Variants in NTM observed in about 807,000 individuals in gnomAD.
The protein encoded by NTM is IgLON family member 2.
In NTM, 13 loss-of-function variants were observed where a neutral mutation model predicts 42.1. That is an observed-to-expected ratio of 0.31 (90% CI 0.20 to 0.49). The LOEUF is 0.49. Ranked by LOEUF, NTM falls within the 20% of genes least tolerant of loss-of-function variation. NTM has a pLI of 0.99. For synonymous variants in NTM, 187 were observed against 179.2 expected (o/e 1.04, Z -0.35); for missense variants, 373 against 452.8 (o/e 0.82, Z 1.60).
At chr11:131,611,855 A>T (rs2061492468) in intron 1 of NTM, among the ~76,000 whole-genome samples, 1 of 152,196 alleles carries the variant, frequency 6.6e-6, no homozygotes, top group Admixed American at 6.5e-5. Context: ...GTTCGTGAAC[A>T]CATGTTTCTG....
intron 2 of NTM, among the ~76,000 whole-genome samples, chr11:132,069,638 A>G (rs1160549389): frequency 2.0e-5 from 3 of 150,226 alleles, no homozygotes; most frequent in Non-Finnish European, 4.4e-5. Flanking sequence ...CAGGTTAGTT[A>G]ACAGGTCACC....
Position 131,829,534 on chromosome 11 carries a change from G to A in NTM, c.83-82030G>A, listed in dbSNP as rs183554220. On this transcript the variant is annotated intron_variant, in intron 1 of 8. Transcript: ENST00000683400. ...GGACATAATTTCATTCTTTCCTATG[G>A]CATAGTATTCCATGGTGTATATGTA... Among the ~76,000 whole-genome samples, 255 of 152,178 alleles carry A rather than the reference G, an allele frequency of 1.7e-3. 1 individual carries two copies. Among genetic ancestry groups the A allele is most frequent in the Middle Eastern group, 0.01 (3 of 292 alleles).
intron 1 of NTM, among the ~76,000 whole-genome samples, chr11:131,594,862 A>G (rs1406075605): frequency 6.6e-6 from 1 of 152,152 alleles, no homozygotes; most frequent in Non-Finnish European, 1.5e-5. Flanking sequence ...TGTACTCTAA[A>G]TATTGCAGTA....
intron 1 of NTM, among the ~76,000 whole-genome samples, chr11:131,793,743 G>A (rs569071450): frequency 1.3e-5 from 2 of 152,282 alleles, no homozygotes; most frequent in South Asian, 4.2e-4. Flanking sequence ...CGGCATGCTA[G>A]TTAGAGGTCC....
intron 1 of NTM, among the ~76,000 whole-genome samples, chr11:131,492,354 G>A (rs1293862462): frequency 1.3e-5 from 2 of 152,056 alleles, no homozygotes; most frequent in Admixed American, 1.3e-4. Context: ...ACCCTTGAGT[G>A]CATTTCATTT....
chr11:131,957,432 C>T (rs2061669791), intron 2 of NTM, among the ~76,000 whole-genome samples: 1 of 152,166 alleles, frequency 6.6e-6, no homozygotes, highest in African/African-American at 2.4e-5. Context: ...CAGTTTTCAG[C>T]TGGGCCCTCA....
At chr11:131,865,001 C>T (rs771949540) in intron 1 of NTM, among the ~76,000 whole-genome samples, 3 of 152,204 alleles carry the variant, frequency 2.0e-5, no homozygotes, top group Non-Finnish European at 4.4e-5. Flanking sequence ...GGGTCTCCCA[C>T]CTCCAGCACC....
Position 131,897,318 on chromosome 11 carries a change from G to C in NTM, c.83-14246G>C, listed in dbSNP as rs76712068. Reference sequence around the variant, plus strand: ...GCAAGAGAGCCTTGGTGGTAGCATTGGAGACTGGCAAGAAGGAAAAAAATT... The same window carrying C: ...GCAAGAGAGCCTTGGTGGTAGCATTCGAGACTGGCAAGAAGGAAAAAAATT... On this transcript the variant is annotated intron_variant, in intron 1 of 8. Coordinates refer to ENST00000683400, the MANE Select transcript of NTM (RefSeq NM_001352005.2). 1.7e-3 allele frequency among the ~76,000 whole-genome samples: 254 copies of C among 152,296 alleles called. 3 individuals are homozygous for C. Among genetic ancestry groups the C allele is most frequent in the African/African-American group, 5.8e-3 (242 of 41,550 alleles).
chr11:132,189,224 CTAGA>C (rs925625697), intron 3 of NTM, among the ~76,000 whole-genome samples: 4 of 152,016 alleles, frequency 2.6e-5, no homozygotes, highest in Non-Finnish European at 5.9e-5. Flanking sequence ...TTTTAAGCCT[CTAGA>C]TAGATCATGA....
At chr11:132,185,560 C>A (rs536000237) in intron 3 of NTM, among the ~76,000 whole-genome samples, 2 of 152,168 alleles carry the variant, frequency 1.3e-5, no homozygotes, top group Non-Finnish European at 2.9e-5. Flanking sequence ...CCTTCCCCAA[C>A]AGCTACATAA....
chr11:131,387,066 T>G (rs371748023), intron 1 of NTM, among the ~76,000 whole-genome samples: 31 of 152,350 alleles, frequency 2.0e-4, no homozygotes, highest in African/African-American at 7.5e-4. Flanking sequence ...TATCATTAAC[T>G]TTAGGGGCTG....
intron 2 of NTM, among the ~76,000 whole-genome samples, chr11:131,936,099 C>A (rs1316594395): frequency 6.6e-6 from 1 of 152,042 alleles, no homozygotes; most frequent in Admixed American, 6.6e-5. Context: ...GAGTGATGGT[C>A]GAGAGACAGC....
chr11:131,815,036 C>T (rs2092893845), intron 1 of NTM, among the ~76,000 whole-genome samples: 1 of 152,086 alleles, frequency 6.6e-6, no homozygotes, highest in Non-Finnish European at 1.5e-5. Context: ...TTGAGCAATC[C>T]GAGATTTTTA....
intron 1 of NTM, among the ~76,000 whole-genome samples, chr11:131,773,635 T>G (rs2086502338): frequency 6.6e-6 from 1 of 152,244 alleles, no homozygotes; most frequent in Admixed American, 6.5e-5. Context: ...AGCAAAAAGT[T>G]GAATGGATTT....
chr11:132,185,245 A>T (rs1005816908), intron 3 of NTM, among the ~76,000 whole-genome samples: 3 of 152,204 alleles, frequency 2.0e-5, no homozygotes, highest in African/African-American at 7.2e-5. Flanking sequence ...ATACATGTGA[A>T]TGTGTATGTC....
intron 1 of NTM, among the ~76,000 whole-genome samples, chr11:131,403,305 T>G (rs2135702116): frequency 6.6e-6 from 1 of 152,220 alleles, no homozygotes; most frequent in South Asian, 2.1e-4. Flanking sequence ...AAACCCCCAG[T>G]TTTTCACTCC....
chr11:131,657,297 T>G (rs898991684), intron 1 of NTM, among the ~76,000 whole-genome samples: 60 of 152,208 alleles, frequency 3.9e-4, no homozygotes, highest in Non-Finnish European at 8.2e-4. Flanking sequence ...AGCCTTCGAT[T>G]TGGGAAAGGT....
chr11:131,951,821 C>CAAAA (rs11366451), intron 2 of NTM, among the ~76,000 whole-genome samples: 3 of 70,146 alleles, frequency 4.3e-5, no homozygotes, highest in Admixed American at 1.7e-4. Flanking sequence ...GACTCCGTCT[C>CAAAA]AAAAAAAAAA....
At chr11:132,023,459 C>A (rs2074656672) in intron 2 of NTM, among the ~76,000 whole-genome samples, 1 of 152,128 alleles carries the variant, frequency 6.6e-6, no homozygotes, top group Non-Finnish European at 1.5e-5. Context: ...AGGCCAGAAA[C>A]CCTGGCAAAG....
Sources: allele counts gnomAD v4.1 joint callset (sites outside exome capture counted in the v4.1 genomes callset), GRCh38; gene constraint gnomAD v4.1.1; transcripts MANE v1.5; gene names NCBI Gene and HGNC (gene_info 2026-07-23, HGNC 2026-07-21).